RCOR2: variants seen among roughly 807,000 people sequenced by gnomAD.
The protein encoded by RCOR2 is REST corepressor 2.
RCOR2 carries 19 observed loss-of-function variants against 58.9 expected under a neutral mutation model. That is an observed-to-expected ratio of 0.32 (90% CI 0.23 to 0.47). RCOR2 has a LOEUF of 0.47. Ranked by LOEUF, RCOR2 falls within the 20% of genes least tolerant of loss-of-function variation. RCOR2 has a pLI of 1.00. For synonymous variants in RCOR2, 286 were observed against 278.7 expected, an observed-to-expected ratio of 1.03 and a Z score of -0.26; for missense variants, 590 against 707.9, an observed-to-expected ratio of 0.83 and a Z score of 1.89.
chr11:63,917,703 G>A (rs950930849), upstream of RCOR2, among the ~76,000 whole-genome samples: 2 of 152,166 alleles, frequency 1.3e-5, no homozygotes, highest in Non-Finnish European at 2.9e-5. Flanking sequence ...TGGATCTGTG[G>A]GTCCCCAAGG....
chr11:63,915,135 G>A (rs1197585533), intron 3 of RCOR2, 43 bp downstream of exon 3: 1 of 1,532,024 alleles, frequency 6.5e-7, no homozygotes, highest in Non-Finnish European at 8.9e-7. Context: ...TTGGAGCTGG[G>A]ATGAACCCAA....
chr11:63,915,015 G>A, intron 3 of RCOR2, 61 bp from the exon 4 acceptor site: 1 of 1,602,612 alleles, frequency 6.2e-7, no homozygotes, highest in Non-Finnish European at 8.5e-7. Flanking sequence ...ACCCAGGCCT[G>A]TCCAGAAAGG....
Position 63,912,898 on chromosome 11 carries a change from C to T in RCOR2, c.941G>A (p.Gly314Asp). ...TNSSLRQALEGGIDPLRPPEA... is the reference protein window; with the variant it reads ...TNSSLRQALEDGIDPLRPPEA... Reference sequence around the variant, plus strand: ...CGGGGGGCGTAGTGGATCAATACCGCCCTCCAGGGCTTGGCGCAGGCTGCT... The same window carrying T: ...CGGGGGGCGTAGTGGATCAATACCGTCCTCCAGGGCTTGGCGCAGGCTGCT... The change falls in exon 9 of 12, where the codon GGC becomes GAC. Residue 314 changes from glycine (G) to aspartate (D), a missense_variant. By Grantham distance (94) the Gly-to-Asp change is moderately conservative. Coordinates refer to ENST00000301459, the MANE Select transcript of RCOR2 (RefSeq NM_173587.4). 1 of 1,613,752 alleles carries T rather than the reference C, an allele frequency of 6.2e-7. No homozygotes were observed.
At chr11:63,912,246 C>T (rs925859049) in intron 11 of RCOR2, 59 bp downstream of exon 11, 6 of 1,597,086 alleles carry the variant, frequency 3.8e-6, no homozygotes, top group South Asian at 2.2e-5. Context: ...AGGACCAAGG[C>T]GGCGCCTCAC....
Position 63,912,417 on chromosome 11 carries a change from ACCT to A in RCOR2, c.1142_1144del (p.Glu381del). ...CTGCTCAGCCTCCCATTCCTGCAGC[ACCT>A]CCTCCAGATTGAAGCGGCGCCGGTA... On this transcript the variant is annotated inframe_deletion, in exon 11 of 12. Transcript: ENST00000301459. The A allele has an allele frequency of 1.9e-6, 3 of 1,613,616 alleles. No homozygotes were observed. The highest frequency in any genetic ancestry group is 2.5e-6 in the Non-Finnish European group (3 of 1,179,922).
intron 9 of RCOR2, 40 bp from the exon 10 acceptor site, chr11:63,912,773 C>T (rs1941792018): frequency 6.2e-7 from 1 of 1,611,782 alleles, no homozygotes; most frequent in Admixed American, 1.7e-5. Context: ...GACTCAAAAC[C>T]ATGCAAATGG....
chr11:63,914,629 G>A (rs777693348), intron 5 of RCOR2, 26 bp downstream of exon 5: 13 of 1,603,934 alleles, frequency 8.1e-6, no homozygotes, highest in East Asian at 4.5e-5. Flanking sequence ...GAGGAGCGCC[G>A]GGGAGTGGGG....
intron 8 of RCOR2, 33 bp from the exon 9 acceptor site, chr11:63,912,980 C>T (rs748605584): frequency 5.7e-6 from 9 of 1,591,438 alleles, no homozygotes; most frequent in Admixed American, 3.4e-5. Flanking sequence ...GAATATCAGA[C>T]TCCCATCTCA....
At chr11:63,916,238 T>G in intron 1 of RCOR2, 92 bp downstream of exon 1, 1 of 1,165,336 alleles carries the variant, frequency 8.6e-7, no homozygotes, top group African/African-American at 1.5e-5. Flanking sequence ...GCCATCAGTG[T>G]AACAGGCTCG....
In RCOR2 at chr11:63,915,621, CA is replaced by C. The variant is rs778747928; in HGVS notation, c.128-11del. 5 of 707,782 alleles carry C rather than the reference CA, an allele frequency of 7.1e-6. No individual in the cohort carries two copies. Among genetic ancestry groups the C allele is most frequent in the Non-Finnish European group, 9.3e-6 (5 of 537,210 alleles). The allele number at this position is 707,782 out of a possible 1,614,324, so 43.8% of individuals were successfully genotyped here. A position where few individuals can be genotyped will look rare whatever the true frequency, so the allele number is the denominator to read the frequency against. ...ACGCGGATCATGCTGTCTGTGGAGC[CA>C]GGGGGAGGCAGTCAGGACTCCAGGG... On this transcript the variant is annotated splice_polypyrimidine_tract_variant and intron_variant, in intron 1 of 11. Coordinates refer to ENST00000301459, the MANE Select transcript of RCOR2 (RefSeq NM_173587.4).
In RCOR2 at chr11:63,912,489, A is replaced by G. The variant is rs1565159740; in HGVS notation, c.1073T>C (p.Ile358Thr). Residue 358 changes from isoleucine (I) to threonine (T), a missense_variant, in exon 11 of 12, where the codon ATT becomes ACT. By Grantham distance (89) the Ile-to-Thr change is moderately conservative. Around this residue, in one of 3 missense-constraint regions of RCOR2, gnomAD observed 4 missense variants for 18.5 expected, o/e 0.22. Coordinates refer to ENST00000301459, the MANE Select transcript of RCOR2 (RefSeq NM_173587.4). The part of the protein sequence containing the change: ...GKDFGAIAEV[I>T]GNKTLTQVKT... The stretch of plus-strand genomic sequence containing the variant: ...CACCTGGGTCAGAGTCTTGTTCCCA[A>G]TCACCTCTGCAATAGCCCCAAAGTC... 1.9e-6 allele frequency: 3 copies of G among 1,613,998 alleles called. No homozygotes were observed. Among genetic ancestry groups the G allele is most frequent in the Middle Eastern group, 1.6e-4 (1 of 6,062 alleles).
At position 63,916,433 on chromosome 11, in the gene RCOR2, C is replaced by T. The variant is rs1468921839; in HGVS notation, c.24G>A (p.Pro8=). The T allele has an allele frequency of 1.2e-6, 2 of 1,607,688 alleles. No individual in the cohort carries two copies. The highest frequency in any genetic ancestry group is 1.7e-6 in the Non-Finnish European group (2 of 1,177,942). The stretch of plus-strand genomic sequence containing the variant: ...GGGACAGGATCCCAGAGCCCGCGCT[C>T]GGCTTCTCCATCACTGAGGGCATTA... The part of the protein sequence containing the change: MPSVMEK[P]SAGSGILSRS... Residue 8 remains proline, a synonymous_variant, in exon 1 of 12, where the codon CCG becomes CCA. Transcript: ENST00000301459.
upstream of RCOR2, among the ~76,000 whole-genome samples, chr11:63,917,585 G>A (rs1941879156): frequency 6.6e-6 from 1 of 152,012 alleles, no homozygotes; most frequent in African/African-American, 2.4e-5. Flanking sequence ...CCCCCCTTCC[G>A]CAGGGGGGAC....
At position 63,914,044 on chromosome 11, in the gene RCOR2, A is replaced by G. The variant is rs1177837164; in HGVS notation, c.801T>C (p.Pro267=). The part of the protein sequence containing the change: ...RRPPKGMYLS[P]EGLTAVSGSP... The stretch of plus-strand genomic sequence containing the variant: ...TTCCTGACACTGCCGTGAGGCCTTC[A>G]GGGCTCAGGTACATGCCCTTGGGTG... Residue 267 remains proline, a synonymous_variant, in exon 8 of 12, where the codon CCT becomes CCC. Transcript: ENST00000301459. 1 of 1,613,798 alleles carries G rather than the reference A, an allele frequency of 6.2e-7. No individual in the cohort carries two copies. The highest frequency in any genetic ancestry group is 8.5e-7 in the Non-Finnish European group (1 of 1,179,954).
the RCOR2 span, among the ~76,000 whole-genome samples, chr11:63,923,811 A>G: frequency 3.3e-5 from 5 of 152,078 alleles, no homozygotes; most frequent in East Asian, 9.6e-4. Context: ...ACTCAGCATC[A>G]CTTGCTGTCC....
chr11:63,912,153 G>C lies in RCOR2; in HGVS notation c.1284C>G (p.Ser428=). The change falls in exon 12 of 12, where the codon TCC becomes TCG. Residue 428 remains serine (S), a synonymous_variant. Transcript: ENST00000301459. ...DEVQITSVST[S]VPRSVPPAPP... is the part of the protein sequence containing the mutation. Reference sequence around the variant, plus strand: ...GCGCAGGGGGCACTGATCGGGGCACGGACGTGGAGACCGATGTAATCTGGA... The same window carrying C: ...GCGCAGGGGGCACTGATCGGGGCACCGACGTGGAGACCGATGTAATCTGGA... 6.5e-7 allele frequency: 1 copy of C among 1,539,252 alleles called. No individual in the cohort carries two copies. The highest frequency in any genetic ancestry group is 8.7e-7 in the Non-Finnish European group (1 of 1,146,328).
intron 3 of RCOR2, 59 bp downstream of exon 3, chr11:63,915,119 G>T: frequency 6.6e-7 from 1 of 1,515,902 alleles, no homozygotes; most frequent in Non-Finnish European, 9.0e-7. Flanking sequence ...TCTGAGAAGA[G>T]CTAGCTTGGA....
At chr11:63,917,486 G>A (rs1267745118), upstream of RCOR2, among the ~76,000 whole-genome samples, 4 of 152,100 alleles carry the variant, frequency 2.6e-5, no homozygotes, top group African/African-American at 9.7e-5. Flanking sequence ...ACTGCCGCCT[G>A]CCCCGGGGGC....
At chr11:63,920,358 G>A (rs576364185), upstream of RCOR2, among the ~76,000 whole-genome samples, 20 of 152,210 alleles carry the variant, frequency 1.3e-4, no homozygotes, top group Non-Finnish European at 2.4e-4. Flanking sequence ...CAAGCCATCC[G>A]GCCTCCCCTT....
Sources: gnomAD v4.1 joint callset for allele counts (sites outside exome capture counted in the v4.1 genomes callset) on GRCh38, gnomAD v4.1.1 for gene constraint, gnomAD v4.1.1 regional missense constraint, MANE v1.5 for transcripts, NCBI Gene and HGNC (gene_info 2026-07-23, HGNC 2026-07-21) for gene names.